ZNRF2: variants seen among roughly 807,000 people sequenced by gnomAD.
ZNRF2 encodes E3 ubiquitin-protein ligase ZNRF2.
Under a neutral mutation model 20.4 loss-of-function variants are expected in ZNRF2, and 16 were observed. That is an observed-to-expected ratio of 0.79 (90% CI 0.53 to 1.19). The LOEUF (loss-of-function observed/expected upper bound fraction) is 1.19. ZNRF2 is among the 50% of genes most tolerant of loss of function. The pLI, the probability that ZNRF2 is intolerant of heterozygous loss-of-function variation, is 0.00. For synonymous variants in ZNRF2, 178 were observed against 144.9 expected (o/e 1.23, Z -1.64); for missense variants, 363 against 332.4 (o/e 1.09, Z -0.72).
intron 2 of ZNRF2, among the ~76,000 whole-genome samples, chr7:30,352,969 C>T (rs1216570208): frequency 1.3e-5 from 2 of 152,016 alleles, no homozygotes; most frequent in African/African-American, 2.4e-5. Flanking sequence ...CAAAACTTTC[C>T]TCTGAATGAA....
chr7:30,320,325 A>G (rs1043234838), intron 1 of ZNRF2, among the ~76,000 whole-genome samples: 4 of 152,212 alleles, frequency 2.6e-5, no homozygotes, highest in Non-Finnish European at 4.4e-5. Flanking sequence ...AGATAACTAT[A>G]CAGAGAGAGA....
At position 30,291,751 on chromosome 7, in the gene ZNRF2, C is replaced by CA. The variant is rs201047400; in HGVS notation, c.469+5931dup. On this transcript the variant is annotated intron_variant, in intron 1 of 4. Coordinates refer to ENST00000323037, the MANE Select transcript of ZNRF2 (RefSeq NM_147128.4). ...CATGAGTCTCTAATTCAGGATATTA[C>CA]AAAAAACTGAGAAATCAATTTGCAA... Among the ~76,000 whole-genome samples the CA allele has an allele frequency of 5.8e-3, 880 of 152,108 alleles. 4 individuals carry two copies. The highest frequency in any genetic ancestry group is 0.014 in the Middle Eastern group (4 of 294).
At chr7:30,316,206 T>C (rs569376687) in intron 1 of ZNRF2, among the ~76,000 whole-genome samples, 2 of 142,158 alleles carry the variant, frequency 1.4e-5, no homozygotes, top group Admixed American at 7.6e-5. Context: ...GAGAACTGCT[T>C]GAACCTGGGA....
intron 3 of ZNRF2, among the ~76,000 whole-genome samples, chr7:30,361,671 G>C (rs952398566): frequency 3.9e-5 from 6 of 152,146 alleles, no homozygotes; most frequent in Non-Finnish European, 8.8e-5. Context: ...GAGCCATGTT[G>C]CTGTTGAGTG....
chr7:30,295,138 G>C (rs1252520657), intron 1 of ZNRF2, among the ~76,000 whole-genome samples: 1 of 147,326 alleles, frequency 6.8e-6, no homozygotes. Context: ...GGCAGTATGG[G>C]CCTTCTTTAA....
intron 1 of ZNRF2, among the ~76,000 whole-genome samples, chr7:30,295,707 C>T (rs1441700820): frequency 6.6e-6 from 1 of 152,172 alleles, no homozygotes; most frequent in Non-Finnish European, 1.5e-5. Context: ...GAGACTCTGT[C>T]TCAAAACAAA....
rs189711505 is a variant in ZNRF2 at position 30,319,066 on chromosome 7, T to C, written c.470-4576T>C. 6.5e-3 allele frequency among the ~76,000 whole-genome samples: 978 copies of C among 151,260 alleles called. 15 individuals carry two copies. Among genetic ancestry groups the C allele is most frequent in the African/African-American group, 0.022 (905 of 41,096 alleles). ...GGTGGAGGTTGCAGTGAGCCAAGAT[T>C]GCGCCACTTCACTCCAGCCTGGGTG... is the stretch of plus-strand genomic sequence containing the variant. On this transcript the variant is annotated intron_variant, in intron 1 of 4. Transcript: ENST00000323037.
chr7:30,359,674 A>G (rs967011530), intron 3 of ZNRF2, among the ~76,000 whole-genome samples: 2 of 152,164 alleles, frequency 1.3e-5, no homozygotes, highest in Non-Finnish European at 1.5e-5. Flanking sequence ...AGTTCTCACA[A>G]TTTGTGCATT....
At chr7:30,342,897 T>C (rs1246405474) in intron 2 of ZNRF2, among the ~76,000 whole-genome samples, 1 of 152,146 alleles carries the variant, frequency 6.6e-6, no homozygotes, top group East Asian at 1.9e-4. Flanking sequence ...AGGACTTTTT[T>C]CCCCCTGGTT....
intron 1 of ZNRF2, among the ~76,000 whole-genome samples, chr7:30,303,009 G>A (rs1055566234): frequency 6.6e-6 from 1 of 152,148 alleles, no homozygotes; most frequent in Admixed American, 6.5e-5. Context: ...GGCTGGTTGT[G>A]GTGGCTCATG....
intron 1 of ZNRF2, among the ~76,000 whole-genome samples, chr7:30,312,948 CAA>C (rs1799313766): frequency 1.3e-5 from 2 of 152,044 alleles, no homozygotes; most frequent in African/African-American, 4.8e-5. Context: ...GATAAAACAA[CAA>C]ATGTAGGAGA....
At position 30,346,848 on chromosome 7, in the gene ZNRF2, A is replaced by G. The variant is rs1799887237; in HGVS notation, c.566-8880A>G. Among the ~76,000 whole-genome samples, 3 of 152,024 alleles carry G rather than the reference A, an allele frequency of 2.0e-5. No homozygotes were observed. In the South Asian group the frequency reaches 6.2e-4, roughly 31 times the overall value. On this transcript the variant is annotated intron_variant, in intron 2 of 4. Coordinates refer to ENST00000323037, the MANE Select transcript of ZNRF2 (RefSeq NM_147128.4). ...TTCCTGTGACTTCTGTAATTTTAAT[A>G]TTAGAGTTTTTAGATTTGTCTTCTT...
chr7:30,293,014 G>A (rs1798939245), intron 1 of ZNRF2, among the ~76,000 whole-genome samples: 1 of 152,168 alleles, frequency 6.6e-6, no homozygotes, highest in Non-Finnish European at 1.5e-5. Flanking sequence ...AAATCCAGAT[G>A]AAAGATAACA....
At chr7:30,289,291 A>G (rs2128054352) in intron 1 of ZNRF2, among the ~76,000 whole-genome samples, 1 of 152,342 alleles carries the variant, frequency 6.6e-6, no homozygotes, top group South Asian at 2.1e-4. Flanking sequence ...AATATGTTGA[A>G]TAAGACCTGT....
intron 1 of ZNRF2, among the ~76,000 whole-genome samples, chr7:30,310,794 G>A (rs1799279969): frequency 6.6e-6 from 1 of 152,024 alleles, no homozygotes; most frequent in South Asian, 2.1e-4. Context: ...TCCAAGCTAG[G>A]GAATCTGAGA....
intron 1 of ZNRF2, among the ~76,000 whole-genome samples, chr7:30,287,146 A>T (rs1798806938): frequency 6.6e-6 from 1 of 152,178 alleles, no homozygotes; most frequent in Admixed American, 6.5e-5. Flanking sequence ...CTATTTTTAA[A>T]AGTCATTTGC....
intron 1 of ZNRF2, among the ~76,000 whole-genome samples, chr7:30,286,072 C>T (rs1232562505): frequency 6.6e-6 from 1 of 152,160 alleles, no homozygotes; most frequent in Non-Finnish European, 1.5e-5. Flanking sequence ...CAGCGGCTGC[C>T]CAGTAGAGAA....
chr7:30,285,056 C>T lies in ZNRF2; in HGVS notation c.-302C>T, dbSNP rs1402779792. ...AGAACCGAAACCAGCGGCAGCCGCA[C>T]GGCCACTTGAGCCGCCCCTTCCTGC... On this transcript the variant is annotated 5_prime_UTR_variant, in exon 1 of 5. In the 5' UTR this introduces an upstream ATG that the reference lacks. Transcript: ENST00000323037. 1 of 407,818 alleles carries T rather than the reference C, an allele frequency of 2.5e-6. No individual in the cohort carries two copies. Among genetic ancestry groups the T allele is most frequent in the Non-Finnish European group, 4.8e-6 (1 of 206,808 alleles). 25.3% of individuals were successfully genotyped at this position (407,818 alleles called of 1,614,324 possible).
chr7:30,288,596 A>G (rs963336174), intron 1 of ZNRF2, among the ~76,000 whole-genome samples: 1 of 152,246 alleles, frequency 6.6e-6, no homozygotes, highest in African/African-American at 2.4e-5. Flanking sequence ...TTTTGGCTAT[A>G]TACACTCTTA....
Sources: allele counts gnomAD v4.1 joint callset (sites outside exome capture counted in the v4.1 genomes callset), GRCh38; gene constraint gnomAD v4.1.1; transcripts MANE v1.5; gene names NCBI Gene and HGNC (gene_info 2026-07-23, HGNC 2026-07-21).